SGCD: variants seen among roughly 807,000 people sequenced by gnomAD.
SGCD encodes the protein sarcoglycan delta.
Under a neutral mutation model 36.6 loss-of-function variants are expected in SGCD, and 18 were observed. The observed-to-expected ratio is 0.49, with a 90% CI of 0.34 to 0.73. The LOEUF is 0.73. Among genes scored for constraint, SGCD ranks in the 30% least tolerant of loss-of-function variants. The probability of loss-of-function intolerance (pLI) is 0.01; values close to 1 mark genes in which losing one functional copy is unlikely to be tolerated. For missense variants in SGCD, 387 were observed against 346.7 expected (o/e 1.12, Z -0.92); for synonymous variants, 133 against 130.6 (o/e 1.02, Z -0.12).
In SGCD at chr5:156,057,353, A is replaced by G. The variant is rs149049282; in HGVS notation, c.-281-60525A>G. Among the ~76,000 whole-genome samples, 31 of 146,786 alleles carry G rather than the reference A, an allele frequency of 2.1e-4. 2 individuals are homozygous for G. Among genetic ancestry groups the G allele is most frequent in the African/African-American group, 7.3e-4 (30 of 40,876 alleles). ...AAGACTGGCAACAACCTAAAAGTCT[A>G]TCATCAGGGTCAAATGAGGAATTAT... is the stretch of plus-strand genomic sequence containing the variant. On this transcript the variant is annotated intron_variant, in intron 1 of 9. Transcript: ENST00000517913.
chr5:155,890,820 G>A (rs368875897), intron 1 of SGCD, among the ~76,000 whole-genome samples: 42 of 152,072 alleles, frequency 2.8e-4, no homozygotes, highest in East Asian at 5.8e-4. Context: ...ACGTTTTCCC[G>A]TCTTTGCATC....
chr5:156,511,383 A>G (rs1455186325), intron 4 of SGCD, among the ~76,000 whole-genome samples: 1 of 152,324 alleles, frequency 6.6e-6, no homozygotes, highest in Middle Eastern at 3.4e-3. Context: ...CCATTGCAAC[A>G]GTCTCTTCGC....
intron 1 of SGCD, among the ~76,000 whole-genome samples, chr5:155,884,400 C>T (rs570506067): frequency 1.8e-4 from 27 of 152,264 alleles, no homozygotes; most frequent in South Asian, 4.2e-4. Context: ...TGGGAGCCTT[C>T]CCATTTAACT....
At chr5:156,004,641 A>C (rs1029090491) in intron 1 of SGCD, among the ~76,000 whole-genome samples, 2 of 152,202 alleles carry the variant, frequency 1.3e-5, no homozygotes, top group Non-Finnish European at 2.9e-5. Context: ...AGTAGGAAAG[A>C]AAAATAACAA....
In SGCD at chr5:156,642,461, C is replaced by CTTT. The variant is rs58501471; in HGVS notation, c.503-4981_503-4979dup. On this transcript the variant is annotated intron_variant, in intron 6 of 8. Coordinates refer to ENST00000337851, the MANE Select transcript of SGCD (RefSeq NM_000337.6). ...CTAAGAATGGCCTAGCAGCATCAGT[C>CTTT]TTTTTTTTTTTTTTTTTTTTTTTTC... is the stretch of plus-strand genomic sequence containing the variant. Among the ~76,000 whole-genome samples the CTTT allele has an allele frequency of 7.6e-3, 608 of 80,022 alleles. 32 individuals are homozygous for CTTT. Among genetic ancestry groups the CTTT allele is most frequent in the African/African-American group, 0.033 (566 of 17,308 alleles). The allele number at this position is 80,022 out of a possible 152,430, so 52.5% of individuals were successfully genotyped here. A position where few individuals can be genotyped will look rare whatever the true frequency, so the allele number is the denominator to read the frequency against.
At chr5:155,833,665 T>C in the SGCD span, among the ~76,000 whole-genome samples, 3 of 152,208 alleles carry the variant, frequency 2.0e-5, no homozygotes, top group Admixed American at 1.3e-4. Context: ...TTACATGCAG[T>C]GTTTCAGCAC....
At chr5:156,018,126 A>G (rs1759024630) in intron 1 of SGCD, among the ~76,000 whole-genome samples, 1 of 152,212 alleles carries the variant, frequency 6.6e-6, no homozygotes, top group Non-Finnish European at 1.5e-5. Context: ...CACCACTGCA[A>G]TCCTGAGCAA....
At chr5:156,741,753 G>A (rs928286639) in intron 7 of SGCD, among the ~76,000 whole-genome samples, 3 of 152,154 alleles carry the variant, frequency 2.0e-5, no homozygotes, top group African/African-American at 7.2e-5. Context: ...CTGGGAGGAT[G>A]CAATCTACAT....
intron 1 of SGCD, among the ~76,000 whole-genome samples, chr5:156,028,213 G>A (rs1050044892): frequency 6.6e-6 from 1 of 152,130 alleles, no homozygotes; most frequent in African/African-American, 2.4e-5. Flanking sequence ...TAGTCATAAT[G>A]GCAGTATCGA....
the SGCD span, among the ~76,000 whole-genome samples, chr5:155,771,104 G>A: frequency 6.6e-6 from 1 of 152,038 alleles, no homozygotes; most frequent in Non-Finnish European, 1.5e-5. Context: ...ATGGTCCTTG[G>A]CAATTTGTAG....
upstream of SGCD, among the ~76,000 whole-genome samples, chr5:155,868,820 G>A (rs947907524): frequency 2.0e-5 from 3 of 152,182 alleles, no homozygotes; most frequent in African/African-American, 4.8e-5. Context: ...GTGAATATGG[G>A]AGAAGCAGGT....
intron 1 of SGCD, among the ~76,000 whole-genome samples, chr5:155,921,292 A>G (rs1416993501): frequency 6.6e-6 from 1 of 152,154 alleles, no homozygotes; most frequent in East Asian, 1.9e-4. Flanking sequence ...TGGAGGCAGA[A>G]CCAGATTTTG....
At chr5:156,359,066 G>A (rs1336044008) in intron 3 of SGCD, among the ~76,000 whole-genome samples, 3 of 152,176 alleles carry the variant, frequency 2.0e-5, no homozygotes, top group Non-Finnish European at 4.4e-5. Context: ...ATAGGGAAAA[G>A]TCATGACAGT....
chr5:156,619,758 C>A (rs1266376523), intron 6 of SGCD, among the ~76,000 whole-genome samples: 1 of 152,140 alleles, frequency 6.6e-6, no homozygotes, highest in Non-Finnish European at 1.5e-5. Context: ...AGGAAATTAA[C>A]TTTGTTCTCC....
chr5:156,331,215 C>G (rs997301676), intron 2 of SGCD, among the ~76,000 whole-genome samples: 10 of 152,134 alleles, frequency 6.6e-5, no homozygotes, highest in Non-Finnish European at 1.5e-4. Flanking sequence ...TCCACATTTC[C>G]CTTTGTTTCA....
chr5:156,091,010 A>G (rs773105164), intron 1 of SGCD, among the ~76,000 whole-genome samples: 11 of 152,238 alleles, frequency 7.2e-5, no homozygotes, highest in Admixed American at 2.6e-4. Flanking sequence ...GATTTGTTTG[A>G]TTGTTCAAAC....
chr5:155,847,626 T>G, the SGCD span, among the ~76,000 whole-genome samples: 2 of 152,122 alleles, frequency 1.3e-5, no homozygotes, highest in Admixed American at 1.3e-4. Context: ...CTCTAGGAAC[T>G]CTGAGCCAGT....
At chr5:156,148,837 G>T (rs1762768218) in intron 3 of SGCD, among the ~76,000 whole-genome samples, 1 of 152,166 alleles carries the variant, frequency 6.6e-6, no homozygotes, top group South Asian at 2.1e-4. Context: ...AGGGTCCGGG[G>T]TCTGGAAAGT....
chr5:156,134,792 T>C (rs1218581146), intron 3 of SGCD, among the ~76,000 whole-genome samples: 1 of 152,040 alleles, frequency 6.6e-6, no homozygotes, highest in African/African-American at 2.4e-5. Flanking sequence ...CGTGTATACA[T>C]ATGTAGCAAA....
Sources: allele counts gnomAD v4.1 joint callset (sites outside exome capture counted in the v4.1 genomes callset), GRCh38; gene constraint gnomAD v4.1.1; transcripts MANE v1.5; gene names NCBI Gene and HGNC (gene_info 2026-07-23, HGNC 2026-07-21).